ATRNL1: variants seen among roughly 807,000 people sequenced by gnomAD.
ATRNL1 encodes the protein attractin like 1.
A neutral mutation model predicts 182.7 loss-of-function variants in ATRNL1; 95 were observed. The ratio of observed to expected loss-of-function variants is 0.52; its 90% confidence interval spans 0.44 to 0.62. The LOEUF is 0.62. Among genes scored for constraint, ATRNL1 ranks in the 20% least tolerant of loss-of-function variants. ATRNL1 has a pLI of 0.00. For missense variants in ATRNL1, 1,471 were observed against 1,679.5 expected, an observed-to-expected ratio of 0.88 and a Z score of 2.17; for synonymous variants, 576 against 568.3, an observed-to-expected ratio of 1.01 and a Z score of -0.19.
intron 28 of ATRNL1, among the ~76,000 whole-genome samples, chr10:115,907,064 C>T (rs1480853902): frequency 1.3e-5 from 2 of 151,980 alleles, no homozygotes; most frequent in Admixed American, 6.5e-5. Context: ...CTGTTATTAT[C>T]CCCATTTCCT....
At chr10:115,096,645 G>A in intron 1 of ATRNL1, 8 of 1,288,398 alleles carry the variant, frequency 6.2e-6, no homozygotes, top group Non-Finnish European at 8.1e-6. Context: ...TCTACTATAG[G>A]GATTTCGCCA....
intron 1 of ATRNL1, among the ~76,000 whole-genome samples, chr10:115,098,741 G>C (rs1481088283): frequency 6.6e-6 from 1 of 152,052 alleles, no homozygotes; most frequent in African/African-American, 2.4e-5. Context: ...ACAGGCGTGA[G>C]CCACTGCGCC....
chr10:115,226,485 A>T (rs573611266), intron 9 of ATRNL1, among the ~76,000 whole-genome samples: 176 of 152,186 alleles, frequency 1.2e-3, no homozygotes, highest in African/African-American at 4.1e-3. Context: ...TATTGTAAAA[A>T]TGGCTATACT....
At chr10:115,813,075 A>C (rs1950083624) in intron 27 of ATRNL1, among the ~76,000 whole-genome samples, 1 of 152,070 alleles carries the variant, frequency 6.6e-6, no homozygotes, top group Non-Finnish European at 1.5e-5. Flanking sequence ...ACACTGTTAG[A>C]ATGTCATTTT....
intron 27 of ATRNL1, among the ~76,000 whole-genome samples, chr10:115,841,577 G>A (rs1031051545): frequency 7.9e-5 from 12 of 151,998 alleles, no homozygotes; most frequent in Non-Finnish European, 4.4e-5. Context: ...CTATTCCCAC[G>A]TGTAATACTT....
At chr10:115,471,215 A>G (rs1278272058) in intron 24 of ATRNL1, among the ~76,000 whole-genome samples, 3 of 150,834 alleles carry the variant, frequency 2.0e-5, no homozygotes, top group Non-Finnish European at 3.0e-5. Context: ...AAACATATAG[A>G]TATAAATCAC....
rs781971978 is a variant in ATRNL1 at position 115,265,204 on chromosome 10, T to A, written c.1699T>A (p.Trp567Arg). ...FLAYDIACDEWKILPKPNLHR... is the reference protein window; with the variant it reads ...FLAYDIACDERKILPKPNLHR... ...TTTCTTTTTTCTAGCTTGTGATGAA[T>A]GGAAAATACTACCAAAACCAAATCT... is the stretch of plus-strand genomic sequence containing the variant. Residue 567 changes from tryptophan (W) to arginine (R), a missense_variant, in exon 11 of 29, where the codon TGG becomes AGG. By Grantham distance (101) the Trp-to-Arg change is moderately radical. Around this residue, in one of 3 missense-constraint regions of ATRNL1, gnomAD observed 1,031 missense variants for 1,156.0 expected, o/e 0.89. Transcript: ENST00000355044. 4 of 1,604,152 alleles carry A rather than the reference T, an allele frequency of 2.5e-6. No individual in the cohort carries two copies. Among genetic ancestry groups the A allele is most frequent in the Non-Finnish European group, 3.4e-6 (4 of 1,173,470 alleles).
intron 24 of ATRNL1, among the ~76,000 whole-genome samples, chr10:115,470,643 A>G (rs1396580237): frequency 6.6e-6 from 1 of 150,502 alleles, no homozygotes; most frequent in African/African-American, 2.4e-5. Flanking sequence ...TTATTTTAGA[A>G]TGTTTTTGAA....
At chr10:115,641,079 A>G (rs1859214291) in intron 26 of ATRNL1, among the ~76,000 whole-genome samples, 3 of 152,094 alleles carry the variant, frequency 2.0e-5, no homozygotes, top group Admixed American at 2.0e-4. Context: ...GTTGCTTACA[A>G]CCACCAGTGT....
chr10:115,616,293 G>A (rs564138596), intron 26 of ATRNL1, among the ~76,000 whole-genome samples: 15 of 152,152 alleles, frequency 9.9e-5, no homozygotes, highest in Non-Finnish European at 2.2e-4. Flanking sequence ...TCAAGTTGTG[G>A]CGTGGCTGCA....
At chr10:115,475,997 T>C (rs1848512611) in intron 24 of ATRNL1, among the ~76,000 whole-genome samples, 1 of 151,416 alleles carries the variant, frequency 6.6e-6, no homozygotes, top group African/African-American at 2.4e-5. Context: ...CATCTTTCTA[T>C]GTTGAGAGTT....
At chr10:115,910,801 C>G (rs1952651647) in intron 28 of ATRNL1, among the ~76,000 whole-genome samples, 1 of 152,146 alleles carries the variant, frequency 6.6e-6, no homozygotes, top group African/African-American at 2.4e-5. Flanking sequence ...GAGAGTAACC[C>G]TCTGAGAAAA....
intron 26 of ATRNL1, among the ~76,000 whole-genome samples, chr10:115,691,011 C>T (rs1946377924): frequency 6.6e-6 from 1 of 152,146 alleles, no homozygotes; most frequent in Non-Finnish European, 1.5e-5. Flanking sequence ...GTACCTTTTC[C>T]TTCTCTGCCT....
intron 8 of ATRNL1, among the ~76,000 whole-genome samples, chr10:115,194,534 T>G (rs946842283): frequency 3.9e-5 from 6 of 151,978 alleles, no homozygotes; most frequent in Non-Finnish European, 8.8e-5. Flanking sequence ...TGTTTGTTTG[T>G]TGCCATTGGC....
chr10:115,845,471 T>C (rs1950905543), intron 27 of ATRNL1, among the ~76,000 whole-genome samples: 1 of 152,066 alleles, frequency 6.6e-6, no homozygotes, highest in African/African-American at 2.4e-5. Flanking sequence ...CCACCTGAAG[T>C]TTAGTTATTT....
At chr10:115,210,042 T>C (rs1483300137) in intron 8 of ATRNL1, among the ~76,000 whole-genome samples, 1 of 152,002 alleles carries the variant, frequency 6.6e-6, no homozygotes. Context: ...ATTCCAAAGT[T>C]TTTTTAAAAA....
At chr10:115,135,068 C>T (rs1268802983) in intron 5 of ATRNL1, among the ~76,000 whole-genome samples, 2 of 152,168 alleles carry the variant, frequency 1.3e-5, no homozygotes, top group Admixed American at 1.3e-4. Context: ...GACAAACCCA[C>T]AGCCAATATC....
chr10:115,335,981 T>C (rs1855462677), intron 19 of ATRNL1, among the ~76,000 whole-genome samples: 1 of 152,140 alleles, frequency 6.6e-6, no homozygotes, highest in Admixed American at 6.5e-5. Flanking sequence ...CTCTGATCCA[T>C]TTGAAGCTCT....
At chr10:115,127,500 T>C (rs1564755101) in intron 3 of ATRNL1, 93 bp from the exon 4 acceptor site, 2 of 1,058,314 alleles carry the variant, frequency 1.9e-6, no homozygotes. Flanking sequence ...CAAGCATTAC[T>C]GATCCTGGTA....
Sources: gnomAD v4.1 joint callset for allele counts (sites outside exome capture counted in the v4.1 genomes callset) on GRCh38, gnomAD v4.1.1 for gene constraint, gnomAD v4.1.1 regional missense constraint, MANE v1.5 for transcripts, NCBI Gene and HGNC (gene_info 2026-07-23, HGNC 2026-07-21) for gene names.